The following CCDC178 variants were observed in gnomAD, a reference collection of about 807,000 sequenced individuals.
CCDC178 encodes coiled-coil domain-containing protein 178.
A neutral mutation model predicts 117.4 loss-of-function variants in CCDC178; 126 were observed. The ratio of observed to expected loss-of-function variants is 1.07; its 90% CI spans 0.93 to 1.24. The LOEUF is 1.24. Ranked by LOEUF, CCDC178 falls within the 50% of genes most tolerant of loss-of-function variation. CCDC178 has a pLI of 0.00. For missense variants in CCDC178, 1,030 were observed against 986.9 expected, an observed-to-expected ratio of 1.04 and a Z score of -0.59; for synonymous variants, 283 against 313.4, an observed-to-expected ratio of 0.90 and a Z score of 1.02.
intron 20 of CCDC178, among the ~76,000 whole-genome samples, chr18:33,105,537 T>A (rs1417537345): frequency 2.0e-5 from 3 of 151,618 alleles, no homozygotes; most frequent in East Asian, 1.9e-4. Context: ...ACTTGAGTCA[T>A]GTGTTCTTAA....
intron 22 of CCDC178, among the ~76,000 whole-genome samples, chr18:32,970,500 A>C (rs910554586): frequency 7.9e-5 from 12 of 151,918 alleles, no homozygotes; most frequent in African/African-American, 1.9e-4. Context: ...TGACATCGGC[A>C]CTTAAAGGAA....
intron 12 of CCDC178, among the ~76,000 whole-genome samples, chr18:33,268,752 T>C (rs906198598): frequency 2.0e-5 from 3 of 151,420 alleles, no homozygotes; most frequent in Non-Finnish European, 3.0e-5. Context: ...TCAATGAAAA[T>C]AGTGAAGCAG....
At chr18:33,258,633 T>C (rs2059707915) in intron 14 of CCDC178, among the ~76,000 whole-genome samples, 2 of 152,320 alleles carry the variant, frequency 1.3e-5, no homozygotes, top group South Asian at 4.1e-4. Context: ...ATTTAAACAT[T>C]GTCGTGAGCA....
chr18:33,414,390 A>G (rs933042747), intron 2 of CCDC178, among the ~76,000 whole-genome samples: 2 of 152,198 alleles, frequency 1.3e-5, no homozygotes, highest in African/African-American at 4.8e-5. Context: ...CTCAGAAATA[A>G]CACCACACAT....
intron 20 of CCDC178, among the ~76,000 whole-genome samples, chr18:33,205,823 T>C (rs1397282990): frequency 6.6e-6 from 1 of 152,182 alleles, no homozygotes; most frequent in Admixed American, 6.5e-5. Context: ...GCTTCCCAAA[T>C]AGCTGGGACT....
chr18:33,285,088 A>G (rs2060081731), intron 12 of CCDC178, among the ~76,000 whole-genome samples: 1 of 152,150 alleles, frequency 6.6e-6, no homozygotes, highest in Admixed American at 6.5e-5. Flanking sequence ...GAATCTAAAA[A>G]TCGTTTCTTT....
At chr18:33,177,042 C>T (rs930016480) in intron 20 of CCDC178, among the ~76,000 whole-genome samples, 9 of 152,278 alleles carry the variant, frequency 5.9e-5, no homozygotes, top group African/African-American at 2.2e-4. Context: ...TGAATGAACT[C>T]ATGTCCTTTG....
At chr18:33,243,943 T>C (rs2059517035) in intron 15 of CCDC178, among the ~76,000 whole-genome samples, 1 of 150,376 alleles carries the variant, frequency 6.6e-6, no homozygotes, top group African/African-American at 2.5e-5. Flanking sequence ...ACATCTACAA[T>C]ATTATTGTAT....
In CCDC178 at chr18:33,389,077, A is replaced by T. The variant is rs559778438; in HGVS notation, c.208+463T>A. Among the ~76,000 whole-genome samples, 5 of 152,174 alleles carry T rather than the reference A, an allele frequency of 3.3e-5. No homozygotes were observed. In the South Asian group the frequency reaches 1.0e-3, roughly 32 times the overall value. ...GGTGATGGATTGATAAGTGCAGCAA[A>T]CCACCATGGCATGTGTTTACCTATG... On this transcript the variant is annotated intron_variant, in intron 5 of 22. Transcript: ENST00000383096.
intron 21 of CCDC178, among the ~76,000 whole-genome samples, chr18:33,064,250 C>T (rs2144972413): frequency 6.6e-6 from 1 of 152,140 alleles, no homozygotes; most frequent in South Asian, 2.1e-4. Flanking sequence ...ACAATAATGT[C>T]AAAGAAACTC....
chr18:33,293,234 C>A lies in CCDC178; in HGVS notation c.1101G>T (p.Glu367Asp). The A allele has an allele frequency of 6.3e-7, 1 of 1,577,590 alleles. No homozygotes were observed. The highest frequency in any genetic ancestry group is 2.3e-5 in the East Asian group (1 of 44,436). ...SVINVNTNIE[E>D]KEEEVTEAIR... ...TTGCTTCAGTCACTTCCTCTTCCTT[C>A]TCCTCAATATTAGTATTAACATTTA... Residue 367 changes from glutamate to aspartate, a missense_variant, in exon 12 of 23, where the codon GAG becomes GAT. Physicochemically the swap from Glu to Asp is conservative, Grantham distance 45. Transcript: ENST00000383096.
intron 21 of CCDC178, among the ~76,000 whole-genome samples, chr18:33,011,767 C>CAAAAAAAAAAAAAAAAAAA (rs71177899): frequency 3.3e-5 from 1 of 30,014 alleles, no homozygotes; most frequent in African/African-American, 7.6e-5. Flanking sequence ...GAGCAGAATG[C>CAAAAAAAAAAAAAAAAAAA]AAAAAAAAAA....
Position 33,346,421 on chromosome 18 carries a change from A to G in CCDC178, c.458-10T>C, listed in dbSNP as rs768172466. On this transcript the variant is annotated splice_polypyrimidine_tract_variant and intron_variant, in intron 8 of 22. Transcript: ENST00000383096. Reference sequence around the variant, plus strand: ...TCTGGACACTTTTCATCTTAAACAGAAATAAATATTCACATTTGTTAATAA... The same window carrying G: ...TCTGGACACTTTTCATCTTAAACAGGAATAAATATTCACATTTGTTAATAA... The G allele has an allele frequency of 6.3e-7, 1 of 1,574,912 alleles. No homozygotes were observed. The highest frequency in any genetic ancestry group is 8.7e-7 in the Non-Finnish European group (1 of 1,147,400).
chr18:33,123,622 A>G (rs1457864764), intron 20 of CCDC178, among the ~76,000 whole-genome samples: 5 of 152,156 alleles, frequency 3.3e-5, no homozygotes, highest in Non-Finnish European at 1.5e-5. Context: ...CATGGAAAAG[A>G]CCAATTTTCT....
chr18:33,282,539 G>C (rs2060037646), intron 12 of CCDC178, among the ~76,000 whole-genome samples: 1 of 152,008 alleles, frequency 6.6e-6, no homozygotes, highest in South Asian at 2.1e-4. Flanking sequence ...GTCTCGAGTG[G>C]GGCCCACACC....
intron 22 of CCDC178, among the ~76,000 whole-genome samples, chr18:32,970,106 A>G (rs2054894174): frequency 6.6e-6 from 1 of 151,974 alleles, no homozygotes; most frequent in African/African-American, 2.4e-5. Context: ...ATTGTGGTCA[A>G]CTGAAATCCC....
intron 21 of CCDC178, among the ~76,000 whole-genome samples, chr18:32,997,114 T>C (rs1391490131): frequency 1.3e-5 from 2 of 152,150 alleles, no homozygotes; most frequent in African/African-American, 2.4e-5. Context: ...TGGGAATTCA[T>C]GTAAAATTTT....
intron 21 of CCDC178, among the ~76,000 whole-genome samples, chr18:32,980,429 G>T (rs898833247): frequency 6.6e-6 from 1 of 151,854 alleles, no homozygotes; most frequent in Non-Finnish European, 1.5e-5. Flanking sequence ...AAATTAGCCG[G>T]GCGCAGTGGC....
chr18:33,112,803 C>T (rs551993993), intron 20 of CCDC178, among the ~76,000 whole-genome samples: 7 of 151,820 alleles, frequency 4.6e-5, no homozygotes, highest in Non-Finnish European at 8.8e-5. Context: ...CCCTACCACA[C>T]GTATTTATGT....
Sources: allele counts gnomAD v4.1 joint callset (sites outside exome capture counted in the v4.1 genomes callset), GRCh38; gene constraint gnomAD v4.1.1; transcripts MANE v1.5; gene names NCBI Gene and HGNC (gene_info 2026-07-23, HGNC 2026-07-21).